BICC1: variants seen among roughly 807,000 people sequenced by gnomAD.
BICC1 encodes the protein protein bicaudal C homolog 1.
A neutral mutation model predicts 111.0 loss-of-function variants in BICC1; 43 were observed. The observed-to-expected ratio is 0.39, with a 90% CI of 0.30 to 0.50. BICC1 has a LOEUF of 0.50. BICC1 is among the 20% of genes least tolerant of loss of function. The probability of loss-of-function intolerance (pLI) is 0.88; values close to 1 mark genes in which losing one functional copy is unlikely to be tolerated. For missense variants in BICC1, 1,091 were observed against 1,203.2 expected (o/e 0.91, Z 1.38); for synonymous variants, 467 against 434.4 (o/e 1.07, Z -0.93).
intron 2 of BICC1, among the ~76,000 whole-genome samples, chr10:58,661,442 C>G (rs1231155421): frequency 2.0e-5 from 3 of 152,204 alleles, no homozygotes; most frequent in Non-Finnish European, 2.9e-5. Flanking sequence ...AATCAAAGCA[C>G]CAAACCTGAT....
intron 3 of BICC1, among the ~76,000 whole-genome samples, chr10:58,728,784 C>G (rs544137251): frequency 1.3e-5 from 2 of 151,960 alleles, no homozygotes; most frequent in African/African-American, 4.8e-5. Flanking sequence ...TGTTAGCAGG[C>G]GTAAAAACAT....
At chr10:58,540,964 T>C (rs1842958962) in intron 1 of BICC1, among the ~76,000 whole-genome samples, 5 of 152,070 alleles carry the variant, frequency 3.3e-5, no homozygotes, top group Admixed American at 3.3e-4. Context: ...CACATGATCA[T>C]CTCAATTGAT....
chr10:58,528,776 G>A (rs1359129457), intron 1 of BICC1, among the ~76,000 whole-genome samples: 1 of 151,902 alleles, frequency 6.6e-6, no homozygotes, highest in Non-Finnish European at 1.5e-5. Context: ...TTCAGTTCCA[G>A]TATTCCGGGT....
intron 2 of BICC1, among the ~76,000 whole-genome samples, chr10:58,635,390 C>CCATT: frequency 6.6e-6 from 1 of 152,278 alleles, no homozygotes; most frequent in East Asian, 1.9e-4. Context: ...GCTAGAAACT[C>CCATT]CATTCTACAA....
At chr10:58,618,625 C>G (rs774166366) in intron 1 of BICC1, among the ~76,000 whole-genome samples, 1 of 152,132 alleles carries the variant, frequency 6.6e-6, no homozygotes, top group Admixed American at 6.5e-5. Flanking sequence ...CTTGGTCTCC[C>G]GCTTGGTCTG....
intron 20 of BICC1, among the ~76,000 whole-genome samples, chr10:58,821,398 G>C (rs534049107): frequency 6.6e-6 from 1 of 152,122 alleles, no homozygotes; most frequent in Non-Finnish European, 1.5e-5. Flanking sequence ...TCCAACTGGT[G>C]AAAGTCCATT....
At chr10:58,693,092 T>C (rs1361264050) in intron 2 of BICC1, among the ~76,000 whole-genome samples, 4 of 152,118 alleles carry the variant, frequency 2.6e-5, no homozygotes, top group African/African-American at 9.7e-5. Flanking sequence ...TTCCCACCTA[T>C]GAGTGAGAAC....
chr10:58,517,753 G>A (rs577111786), intron 1 of BICC1, among the ~76,000 whole-genome samples: 2 of 152,184 alleles, frequency 1.3e-5, no homozygotes, highest in Non-Finnish European at 2.9e-5. Context: ...AAATGGGGCA[G>A]TTAATGGTAG....
chr10:58,710,489 A>G (rs1295031018), intron 3 of BICC1, among the ~76,000 whole-genome samples: 1 of 152,206 alleles, frequency 6.6e-6, no homozygotes, highest in Non-Finnish European at 1.5e-5. Context: ...CTTGTAGACA[A>G]CACCTCTTTT....
chr10:58,694,436 T>C (rs1195293708), intron 2 of BICC1, among the ~76,000 whole-genome samples: 1 of 152,148 alleles, frequency 6.6e-6, no homozygotes, highest in Non-Finnish European at 1.5e-5. Flanking sequence ...GTGAAATTTG[T>C]ATTTGATGCA....
At chr10:58,666,921 A>C (rs1051438335) in intron 2 of BICC1, among the ~76,000 whole-genome samples, 3 of 152,154 alleles carry the variant, frequency 2.0e-5, no homozygotes, top group African/African-American at 7.2e-5. Flanking sequence ...AAAAAATTTC[A>C]GCTATTTGCT....
chr10:58,614,551 C>T (rs953244552), intron 1 of BICC1, among the ~76,000 whole-genome samples: 1 of 152,168 alleles, frequency 6.6e-6, no homozygotes, highest in African/African-American at 2.4e-5. Context: ...AATAAACTTG[C>T]TAAAGGTGCA....
At chr10:58,586,537 G>T (rs11595333) in intron 1 of BICC1, among the ~76,000 whole-genome samples, 1 of 150,772 alleles carries the variant, frequency 6.6e-6, no homozygotes, top group Non-Finnish European at 1.5e-5. Context: ...GGTTGGGGGC[G>T]GGGGGGCGCG....
intron 2 of BICC1, among the ~76,000 whole-genome samples, chr10:58,675,449 G>A (rs1839310299): frequency 6.6e-6 from 1 of 152,088 alleles, no homozygotes; most frequent in African/African-American, 2.4e-5. Context: ...AAAAGAGAAG[G>A]AAATCCTGCA....
chr10:58,827,630 G>A lies in BICC1; in HGVS notation c.2795-1131G>A, dbSNP rs531865422. On this transcript the variant is annotated intron_variant, in intron 20 of 20. Coordinates refer to ENST00000373886, the MANE Select transcript of BICC1 (RefSeq NM_001080512.3). ...GAAGCAGTGCCAGAAAGCAACTGAT[G>A]TTAGACAGTCTGGCAGAAGAGTTCC... 1.6e-4 allele frequency among the ~76,000 whole-genome samples: 24 copies of A among 152,264 alleles called. 1 individual carries two copies. The South Asian group carries it at 4.8e-3, about 30-fold the overall frequency.
intron 2 of BICC1, among the ~76,000 whole-genome samples, chr10:58,697,522 CAAAT>C (rs932548505): frequency 6.6e-6 from 1 of 152,132 alleles, no homozygotes; most frequent in Non-Finnish European, 1.5e-5. Context: ...TCCCCTGAAA[CAAAT>C]AGTCATTTTC....
chr10:58,651,713 T>C (rs1299777343), intron 2 of BICC1, among the ~76,000 whole-genome samples: 1 of 152,190 alleles, frequency 6.6e-6, no homozygotes, highest in South Asian at 2.1e-4. Flanking sequence ...TGTTGCCAAG[T>C]AAATACAGTG....
At chr10:58,557,097 T>C (rs1843469933) in intron 1 of BICC1, among the ~76,000 whole-genome samples, 1 of 152,094 alleles carries the variant, frequency 6.6e-6, no homozygotes, top group Non-Finnish European at 1.5e-5. Context: ...TTCTTATCCT[T>C]TAATATTCTC....
At chr10:58,637,222 T>C (rs1837978552) in intron 2 of BICC1, among the ~76,000 whole-genome samples, 1 of 152,200 alleles carries the variant, frequency 6.6e-6, no homozygotes, top group Non-Finnish European at 1.5e-5. Context: ...TTTTCTTTTC[T>C]TTTGAGGTGG....
Sources: gnomAD v4.1 joint callset for allele counts (sites outside exome capture counted in the v4.1 genomes callset) on GRCh38, gnomAD v4.1.1 for gene constraint, MANE v1.5 for transcripts, NCBI Gene and HGNC (gene_info 2026-07-23, HGNC 2026-07-21) for gene names.